CPSF3: variants seen among roughly 807,000 people sequenced by gnomAD.
The protein encoded by CPSF3 is cleavage and polyadenylation specific factor 3.
A neutral mutation model predicts 84.1 loss-of-function variants in CPSF3; 57 were observed. That is an observed-to-expected ratio of 0.68 (90% CI 0.55 to 0.85). The LOEUF is 0.85. CPSF3 is among the 40% of genes least tolerant of loss of function. The pLI is 0.00. For missense variants in CPSF3, 522 were observed against 838.8 expected (o/e 0.62, Z 4.66); for synonymous variants, 275 against 278.1 (o/e 0.99, Z 0.11).
intron 7 of CPSF3, 135 bp downstream of exon 7, chr2:9,436,496 G>A (rs914048089): frequency 2.1e-5 from 20 of 949,074 alleles, no homozygotes; most frequent in African/African-American, 8.3e-5. Flanking sequence ...ATTTGGGGCC[G>A]GGCGCGGTGG....
rs576258796 is a variant in CPSF3, at chr2:9,428,233, G to A, written c.51-532G>A. On this transcript the variant is annotated intron_variant, in intron 1 of 17. Transcript: ENST00000238112. Reference sequence around the variant, plus strand: ...GGATGGGTCTCGATATCCTGATCTCGTGATCTGCCTGCCTCGGCCTCCCAA... The same window carrying A: ...GGATGGGTCTCGATATCCTGATCTCATGATCTGCCTGCCTCGGCCTCCCAA... 4.4e-4 allele frequency among the ~76,000 whole-genome samples: 67 copies of A among 151,282 alleles called. 2 individuals carry two copies. Among genetic ancestry groups the A allele is most frequent in the African/African-American group, 1.5e-3 (63 of 40,656 alleles).
intron 15 of CPSF3, among the ~76,000 whole-genome samples, chr2:9,466,210 GCACACACGCACGCA>G (rs1681909729): frequency 1.4e-5 from 2 of 145,784 alleles, no homozygotes; most frequent in African/African-American, 2.6e-5. Context: ...ACACACACGC[GCACACACGCACGCA>G]CACACACACG....
chr2:9,467,030 T>G (rs1682003792), intron 15 of CPSF3, among the ~76,000 whole-genome samples: 1 of 152,116 alleles, frequency 6.6e-6, no homozygotes, highest in Non-Finnish European at 1.5e-5. Context: ...TACCTAGGAG[T>G]AGAATTACTA....
rs184352868 is a variant in CPSF3, at chr2:9,465,988, A to G, written c.1787-1719A>G. 3.3e-5 allele frequency among the ~76,000 whole-genome samples: 5 copies of G among 152,298 alleles called. No individual in the cohort carries two copies. The East Asian group carries it at 9.6e-4, about 29-fold the overall frequency. ...TCATCCATATAAAGTGTAGAATTCA[A>G]TGATTTTTTAGCATATTCAGAGTTG... On this transcript the variant is annotated intron_variant, in intron 15 of 17. Coordinates refer to ENST00000238112, the MANE Select transcript of CPSF3 (RefSeq NM_016207.4).
intron 14 of CPSF3, among the ~76,000 whole-genome samples, chr2:9,459,197 C>T (rs916123437): frequency 1.3e-5 from 2 of 152,014 alleles, no homozygotes; most frequent in South Asian, 2.1e-4. Context: ...TGAGTTCAGT[C>T]CCAGCACCAG....
In CPSF3 at chr2:9,432,631, C is replaced by T. The variant is rs1314611839; in HGVS notation, c.462C>T (p.Tyr154=). 4 of 1,579,860 alleles carry T rather than the reference C, an allele frequency of 2.5e-6. No homozygotes were observed. Among genetic ancestry groups the T allele is most frequent in the South Asian group, 1.1e-5 (1 of 87,168 alleles). ...KEVAGIKFWC[Y]HAGHVLGAAM... ...TTGCGGGAATCAAGTTTTGGTGTTA[C>T]CATGCAGGTCACGTCCTAGGAGCCG... The change falls in exon 5 of 18, where the codon TAC becomes TAT. Residue 154 remains tyrosine (Y), a synonymous_variant. Transcript: ENST00000238112.
At chr2:9,459,487 C>A in intron 14 of CPSF3, 44 bp from the exon 15 acceptor site, 4 of 1,305,334 alleles carry the variant, frequency 3.1e-6, no homozygotes, top group South Asian at 1.2e-5. Context: ...TGTGGTTGGT[C>A]ACCCTAGGTA....
intron 1 of CPSF3, 78 bp downstream of exon 1, chr2:9,423,901 G>C: frequency 6.4e-7 from 1 of 1,565,870 alleles, no homozygotes; most frequent in Non-Finnish European, 8.7e-7. Flanking sequence ...GGCCTCCTCC[G>C]TCGCCCGCGC....
intron 4 of CPSF3, among the ~76,000 whole-genome samples, 170 bp downstream of exon 4, chr2:9,431,050 C>A (rs1203623995): frequency 6.6e-6 from 1 of 152,164 alleles, no homozygotes; most frequent in Non-Finnish European, 1.5e-5. Context: ...GTTTCTAGCA[C>A]CTTCCTGACC....
intron 5 of CPSF3, among the ~76,000 whole-genome samples, chr2:9,432,988 G>C (rs1022228884): frequency 2.6e-5 from 4 of 152,182 alleles, no homozygotes; most frequent in African/African-American, 9.7e-5. Context: ...TAGAAAACTG[G>C]TTAGGGAAGA....
rs372005769 is a variant in CPSF3 at position 9,466,196 on chromosome 2, TCACA to T, written c.1787-1503_1787-1500del. 2.0e-3 allele frequency among the ~76,000 whole-genome samples: 286 copies of T among 141,650 alleles called. 3 individuals are homozygous for T. The highest frequency in any genetic ancestry group is 0.012 in the Middle Eastern group (3 of 250). The allele number at this position is 141,650 out of a possible 152,430, so 92.9% of individuals were successfully genotyped here. ...TCTCTACACGCACACACACACGCGC[TCACA>T]CACACACGCGCACACACGCACGCAC... On this transcript the variant is annotated intron_variant, in intron 15 of 17. Transcript: ENST00000238112.
chr2:9,466,293 GACGCAT>G (rs1681938711), intron 15 of CPSF3, among the ~76,000 whole-genome samples: 2 of 108,520 alleles, frequency 1.8e-5, no homozygotes, highest in African/African-American at 6.7e-5. Flanking sequence ...TGCGCACACA[GACGCAT>G]GCACACGCAC....
At chr2:9,468,679 T>G (rs570820432) in intron 16 of CPSF3, among the ~76,000 whole-genome samples, 2 of 142,392 alleles carry the variant, frequency 1.4e-5, no homozygotes, top group East Asian at 4.1e-4. Context: ...CAGGCTGGAG[T>G]GCAGTGGCAC....
chr2:9,432,507 T>A lies in CPSF3; in HGVS notation c.342-4T>A. ...TGTTTTTGCTGGCATCTTTCAAAAT[T>A]TAGTAACATATCAGCAGACGACATG... On this transcript the variant is annotated splice_region_variant and splice_polypyrimidine_tract_variant and intron_variant, in intron 4 of 17. Transcript: ENST00000238112. The A allele has an allele frequency of 8.2e-6, 12 of 1,460,484 alleles. No homozygotes were observed. Among genetic ancestry groups the A allele is most frequent in the African/African-American group, 1.4e-5 (1 of 71,776 alleles). The allele number at this position is 1,460,484 out of a possible 1,614,324, so 90.5% of individuals were successfully genotyped here.
At position 9,423,659 on chromosome 2, in the gene CPSF3, T is replaced by G; in HGVS notation, c.-115T>G. 2 of 1,352,668 alleles carry G rather than the reference T, an allele frequency of 1.5e-6. No homozygotes were observed. Among genetic ancestry groups the G allele is most frequent in the Non-Finnish European group, 2.0e-6 (2 of 995,602 alleles). The allele number at this position is 1,352,668 out of a possible 1,614,324, so 83.8% of individuals were successfully genotyped here. ...GCCGCGGGCTCCGGAGTGACGGAAG[T>G]TGTGCTCTTGGTGAATGGGGTTCTT... On this transcript the variant is annotated 5_prime_UTR_variant, in exon 1 of 18. Transcript: ENST00000238112.
At position 9,452,939 on chromosome 2, in the gene CPSF3, A is replaced by G; in HGVS notation, c.1422A>G (p.Lys474=). 6.2e-7 allele frequency: 1 copy of G among 1,603,916 alleles called. No homozygotes were observed. Among genetic ancestry groups the G allele is most frequent in the East Asian group, 2.2e-5 (1 of 44,832 alleles). Reference sequence around the variant, plus strand: ...TTATGGGATTTTTAGCAGACAAAAAACCAGAACAAGGCCAGCGGGTCTCAG... The same window carrying G: ...TTATGGGATTTTTAGCAGACAAAAAGCCAGAACAAGGCCAGCGGGTCTCAG... The part of the protein sequence containing the change: ...AKVMGFLADK[K]PEQGQRVSGI... Residue 474 remains lysine, a synonymous_variant, in exon 12 of 18, where the codon AAA becomes AAG. Coordinates refer to ENST00000238112, the MANE Select transcript of CPSF3 (RefSeq NM_016207.4).
At position 9,433,977 on chromosome 2, in the gene CPSF3, T is replaced by G. The variant is rs780998437; in HGVS notation, c.609+17T>G. 8.0e-6 allele frequency: 11 copies of G among 1,370,572 alleles called. No individual in the cohort carries two copies. Among genetic ancestry groups the G allele is most frequent in the Non-Finnish European group, 1.1e-5 (11 of 970,778 alleles). The allele number at this position is 1,370,572 out of a possible 1,614,324, so 84.9% of individuals were successfully genotyped here. A position where few individuals can be genotyped will look rare whatever the true frequency, so the allele number is the denominator to read the frequency against. ...CTTATCATTGTAAGTATTAATATACTATATTGTAATCAATGTAATGTAAGC... is the reference window on the plus strand; with the variant it reads ...CTTATCATTGTAAGTATTAATATACGATATTGTAATCAATGTAATGTAAGC... On this transcript the variant is annotated intron_variant, in intron 6 of 17. Coordinates refer to ENST00000238112, the MANE Select transcript of CPSF3 (RefSeq NM_016207.4).
chr2:9,424,739 A>G (rs1680299419), intron 1 of CPSF3: 1 of 152,244 alleles, frequency 6.6e-6, no homozygotes, highest in Non-Finnish European at 1.5e-5. Flanking sequence ...ACATGGGGAT[A>G]TAGACGCAAC....
intron 10 of CPSF3, among the ~76,000 whole-genome samples, chr2:9,447,167 A>G (rs935126731): frequency 9.2e-5 from 14 of 152,136 alleles, no homozygotes; most frequent in African/African-American, 2.9e-4. Context: ...AAGTAATAAA[A>G]TGTTCCATTT....
Sources: allele counts gnomAD v4.1 joint callset (sites outside exome capture counted in the v4.1 genomes callset), GRCh38; gene constraint gnomAD v4.1.1; transcripts MANE v1.5; gene names NCBI Gene and HGNC (gene_info 2026-07-23, HGNC 2026-07-21).